MOXD1: variants seen among roughly 807,000 people sequenced by gnomAD.
The protein encoded by MOXD1 is monooxygenase DBH like 1, also known as DBH-like monooxygenase protein 1.
In MOXD1, 62 loss-of-function variants were observed where a neutral mutation model predicts 66.6. That is an observed-to-expected ratio of 0.93 (90% CI 0.76 to 1.15). MOXD1 has a LOEUF of 1.15. MOXD1 is among the 50% of genes most tolerant of loss of function. MOXD1 has a pLI of 0.00. For missense variants in MOXD1, 847 were observed against 754.6 expected (o/e 1.12, Z -1.44); for synonymous variants, 303 against 281.9 (o/e 1.07, Z -0.75).
At position 132,358,444 on chromosome 6, in the gene MOXD1, T is replaced by C. The variant is rs557834763; in HGVS notation, c.663+14164A>G. On this transcript the variant is annotated intron_variant, in intron 4 of 11. Transcript: ENST00000367963. ...ACATTACATTTTTCTGAGCCTGTTT[T>C]CTCATCTAGAAAATGGCAGAGGTAG... 3.3e-5 allele frequency among the ~76,000 whole-genome samples: 5 copies of C among 152,352 alleles called. No homozygotes were observed. The South Asian group carries it at 1.0e-3, about 32-fold the overall frequency.
chr6:132,329,964 G>A (rs191091465), intron 4 of MOXD1, among the ~76,000 whole-genome samples: 15 of 152,270 alleles, frequency 9.9e-5, no homozygotes, highest in Admixed American at 5.9e-4. Flanking sequence ...TGTGGAAAGC[G>A]TGATCCACAT....
chr6:132,326,292 T>C (rs1160711284), intron 6 of MOXD1, among the ~76,000 whole-genome samples: 2 of 151,914 alleles, frequency 1.3e-5, no homozygotes, highest in Admixed American at 1.3e-4. Flanking sequence ...AAATAGAAAG[T>C]ACTAAAAATC....
At chr6:132,372,464 G>A in intron 4 of MOXD1, 144 bp downstream of exon 4, 1 of 711,566 alleles carries the variant, frequency 1.4e-6, no homozygotes, top group Non-Finnish European at 2.3e-6. Flanking sequence ...AAGTATGCAG[G>A]TCAGCCAAGC....
chr6:132,341,398 C>G (rs1775559486), intron 4 of MOXD1, among the ~76,000 whole-genome samples: 1 of 152,152 alleles, frequency 6.6e-6, no homozygotes, highest in Admixed American at 6.5e-5. Flanking sequence ...TATACATTGC[C>G]CAGTCTAAAG....
At chr6:132,322,053 A>C (rs1192569407) in intron 8 of MOXD1, among the ~76,000 whole-genome samples, 2 of 152,218 alleles carry the variant, frequency 1.3e-5, no homozygotes, top group Non-Finnish European at 2.9e-5. Context: ...CTGACTTTTA[A>C]AAGTAAAATA....
intron 4 of MOXD1, among the ~76,000 whole-genome samples, chr6:132,368,657 AT>A (rs1280895920): frequency 2.0e-5 from 3 of 152,194 alleles, no homozygotes; most frequent in African/African-American, 7.2e-5. Context: ...GAAGCAAATA[AT>A]TTTTACATGG....
At chr6:132,353,790 A>G (rs554394739) in intron 4 of MOXD1, among the ~76,000 whole-genome samples, 1 of 152,110 alleles carries the variant, frequency 6.6e-6, no homozygotes, top group African/African-American at 2.4e-5. Context: ...CTTCCTCAGG[A>G]ATACCTCTTC....
intron 1 of MOXD1, among the ~76,000 whole-genome samples, chr6:132,393,151 A>AGTGTGTGTGTGTGTGTGTGTGT (rs60580838): frequency 6.6e-6 from 1 of 150,650 alleles, no homozygotes; most frequent in African/African-American, 2.4e-5. Flanking sequence ...GAGTGGAGTG[A>AGTGTGTGTGTGTGTGTGTGTGT]GTGTGTGTGT....
chr6:132,379,130 A>T (rs1776458538), intron 1 of MOXD1, among the ~76,000 whole-genome samples: 1 of 151,954 alleles, frequency 6.6e-6, no homozygotes, highest in African/African-American at 2.4e-5. Context: ...AAATAGAAAT[A>T]GAAATATTTC....
At chr6:132,309,589 C>A (rs1316596739) in intron 10 of MOXD1, among the ~76,000 whole-genome samples, 5 of 152,136 alleles carry the variant, frequency 3.3e-5, no homozygotes, top group Admixed American at 2.0e-4. Context: ...AAGAACAAAG[C>A]TGGAGGCATC....
At chr6:132,297,992 A>T in intron 10 of MOXD1, 37 bp from the exon 11 acceptor site, 1 of 1,546,380 alleles carries the variant, frequency 6.5e-7, no homozygotes, top group Non-Finnish European at 8.7e-7. Context: ...TATTCAGAAC[A>T]AATGCATTAC....
chr6:132,364,507 G>A (rs1776076285), intron 4 of MOXD1, among the ~76,000 whole-genome samples: 1 of 152,150 alleles, frequency 6.6e-6, no homozygotes, highest in African/African-American at 2.4e-5. Flanking sequence ...CAAGCTATGA[G>A]CATTTAGTCT....
At chr6:132,326,996 C>T (rs1415848896) in intron 6 of MOXD1, among the ~76,000 whole-genome samples, 1 of 152,152 alleles carries the variant, frequency 6.6e-6, no homozygotes, top group Non-Finnish European at 1.5e-5. Context: ...TTCTCATTGT[C>T]TTCAGGGTAA....
intron 4 of MOXD1, among the ~76,000 whole-genome samples, chr6:132,363,123 C>T (rs1322576608): frequency 6.6e-6 from 1 of 151,920 alleles, no homozygotes; most frequent in African/African-American, 2.4e-5. Flanking sequence ...TGCATTAATT[C>T]CGTAGGACTC....
intron 6 of MOXD1, among the ~76,000 whole-genome samples, chr6:132,327,096 C>T (rs1301701412): frequency 3.3e-5 from 5 of 152,158 alleles, no homozygotes; most frequent in Middle Eastern, 3.2e-3. Context: ...TGCACCCTAA[C>T]CCTTCAGCAT....
chr6:132,335,388 C>T (rs1177304168), intron 4 of MOXD1, among the ~76,000 whole-genome samples: 1 of 151,816 alleles, frequency 6.6e-6, no homozygotes, highest in Non-Finnish European at 1.5e-5. Context: ...AGGGTTTTTG[C>T]AGATGTAATT....
At chr6:132,357,534 G>C (rs1035668473) in intron 4 of MOXD1, among the ~76,000 whole-genome samples, 6 of 151,062 alleles carry the variant, frequency 4.0e-5, no homozygotes, top group Non-Finnish European at 7.4e-5. Flanking sequence ...TGAATTCCAA[G>C]TTATAAAGGA....
At chr6:132,357,152 C>T (rs963589918) in intron 4 of MOXD1, among the ~76,000 whole-genome samples, 3 of 152,116 alleles carry the variant, frequency 2.0e-5, no homozygotes, top group Middle Eastern at 3.4e-3. Context: ...CACATCATAT[C>T]ACATATGAAT....
At chr6:132,324,224 A>G (rs1392851437) in intron 6 of MOXD1, 127 bp from the exon 7 acceptor site, 1 of 944,038 alleles carries the variant, frequency 1.1e-6, no homozygotes, top group East Asian at 2.7e-5. Flanking sequence ...TATTTTCCAT[A>G]AACTGTCATG....
Sources: allele counts gnomAD v4.1 joint callset (sites outside exome capture counted in the v4.1 genomes callset), GRCh38; gene constraint gnomAD v4.1.1; transcripts MANE v1.5; gene names NCBI Gene and HGNC (gene_info 2026-07-23, HGNC 2026-07-21).